The following ARHGEF3 variants were observed in gnomAD, a reference collection of about 807,000 sequenced individuals.
The protein encoded by ARHGEF3 is 59.8 kDA protein.
A neutral mutation model predicts 63.2 loss-of-function variants in ARHGEF3; 28 were observed. That is an observed-to-expected ratio of 0.44 (90% CI 0.33 to 0.61). The LOEUF is 0.61. Ranked by LOEUF, ARHGEF3 falls within the 20% of genes least tolerant of loss-of-function variation. The pLI, the probability that ARHGEF3 is intolerant of heterozygous loss-of-function variation, is 0.03. For missense variants in ARHGEF3, 533 were observed against 659.3 expected, an observed-to-expected ratio of 0.81 and a Z score of 2.10; for synonymous variants, 266 against 254.2, an observed-to-expected ratio of 1.05 and a Z score of -0.44.
intron 4 of ARHGEF3, among the ~76,000 whole-genome samples, chr3:56,852,513 C>G (rs545088778): frequency 1.3e-5 from 2 of 152,262 alleles, no homozygotes; most frequent in Non-Finnish European, 2.9e-5. Flanking sequence ...TGCGTGTACA[C>G]GTGCACACAC....
At chr3:56,879,143 A>C (rs139633009) in intron 4 of ARHGEF3, among the ~76,000 whole-genome samples, 1 of 152,224 alleles carries the variant, frequency 6.6e-6, no homozygotes, top group Non-Finnish European at 1.5e-5. Flanking sequence ...TTCATTATGT[A>C]TTACAATGTA....
At chr3:56,769,137 G>A (rs1257258609) in intron 2 of ARHGEF3, among the ~76,000 whole-genome samples, 1 of 152,214 alleles carries the variant, frequency 6.6e-6, no homozygotes, top group Non-Finnish European at 1.5e-5. Context: ...AGGAAAAAGT[G>A]CAAGTCCAAA....
At chr3:57,063,266 C>T (rs1705333528) in intron 1 of ARHGEF3, among the ~76,000 whole-genome samples, 1 of 148,538 alleles carries the variant, frequency 6.7e-6, no homozygotes, top group South Asian at 2.1e-4. Flanking sequence ...GAAATGCAGC[C>T]AGATCACATG....
chr3:57,050,570 G>C (rs1197035791), intron 1 of ARHGEF3, among the ~76,000 whole-genome samples: 1 of 152,226 alleles, frequency 6.6e-6, no homozygotes, highest in Non-Finnish European at 1.5e-5. Flanking sequence ...CAGGTGGTCT[G>C]AGGTCCAAGT....
chr3:56,733,715 G>A (rs1431699250), intron 8 of ARHGEF3, among the ~76,000 whole-genome samples: 1 of 151,942 alleles, frequency 6.6e-6, no homozygotes, highest in Non-Finnish European at 1.5e-5. Context: ...TGGGCACAGT[G>A]GCTCACGCCT....
intron 3 of ARHGEF3, among the ~76,000 whole-genome samples, chr3:56,944,578 T>TTTC (rs1459721212): frequency 2.8e-5 from 4 of 144,010 alleles, no homozygotes; most frequent in African/African-American, 1.0e-4. Context: ...CTTTTTTTTT[T>TTTC]TTTTTTTTTT....
At position 56,738,232 on chromosome 3, in the gene ARHGEF3, GT is replaced by G. The variant is rs560914667; in HGVS notation, c.871-878del. ...TTTTTTGTATTTTTAGTAGAACAGG[GT>G]TTCACCATGTTGGCCAGGGTGGTCT... On this transcript the variant is annotated intron_variant, in intron 7 of 9. Coordinates refer to ENST00000296315, the MANE Select transcript of ARHGEF3 (RefSeq NM_019555.3). Among the ~76,000 whole-genome samples the G allele has an allele frequency of 4.7e-3, 708 of 152,194 alleles. 1 individual carries two copies. Among genetic ancestry groups the G allele is most frequent in the African/African-American group, 0.016 (663 of 41,516 alleles).
At chr3:56,832,527 G>A (rs936395130) in intron 4 of ARHGEF3, among the ~76,000 whole-genome samples, 2 of 152,162 alleles carry the variant, frequency 1.3e-5, no homozygotes, top group Non-Finnish European at 1.5e-5. Context: ...CACCCCCAGT[G>A]ACAACTATTA....
intron 3 of ARHGEF3, among the ~76,000 whole-genome samples, chr3:56,899,018 T>C (rs937984642): frequency 1.3e-5 from 2 of 152,112 alleles, no homozygotes; most frequent in Admixed American, 6.6e-5. Flanking sequence ...TGCACCACTG[T>C]ACTCCAGCCT....
At chr3:57,005,904 G>A (rs987615200) in intron 2 of ARHGEF3, among the ~76,000 whole-genome samples, 3 of 152,156 alleles carry the variant, frequency 2.0e-5, no homozygotes, top group Non-Finnish European at 2.9e-5. Flanking sequence ...TTTTACGTAT[G>A]CGATCTCCTC....
At chr3:56,770,233 G>T (rs1200908860) in intron 2 of ARHGEF3, among the ~76,000 whole-genome samples, 1 of 151,936 alleles carries the variant, frequency 6.6e-6, no homozygotes, top group African/African-American at 2.4e-5. Flanking sequence ...CCAACATGGC[G>T]AAACCGTCTC....
chr3:56,948,615 T>C lies in ARHGEF3; in HGVS notation c.129+10208A>G, dbSNP rs567049960. On this transcript the variant is annotated intron_variant, in intron 3 of 12. Transcript: ENST00000338458. ...ATCTCTGAATAGACCAATAACAGGC[T>C]CTGAAATTGAGGCAATAATTAATAG... Among the ~76,000 whole-genome samples the C allele has an allele frequency of 5.8e-3, 883 of 152,104 alleles. 10 individuals carry two copies. The highest frequency in any genetic ancestry group is 0.02 in the African/African-American group (829 of 41,488).
At chr3:56,768,684 G>GAAAAAAAAAAAAAAAAAA (rs2035845832) in intron 2 of ARHGEF3, among the ~76,000 whole-genome samples, 6 of 109,610 alleles carry the variant, frequency 5.5e-5, no homozygotes, top group Admixed American at 1.7e-4. Context: ...AAAAAAAAAA[G>GAAAAAAAAAAAAAAAAAA]AAGAAGATGA....
chr3:56,736,306 T>C (rs1406992645), intron 8 of ARHGEF3, among the ~76,000 whole-genome samples: 2 of 152,064 alleles, frequency 1.3e-5, no homozygotes, highest in Admixed American at 6.5e-5. Flanking sequence ...CAAATCACTA[T>C]ATTAAGTGCT....
At chr3:56,738,055 T>C (rs997816666) in intron 7 of ARHGEF3, among the ~76,000 whole-genome samples, 13 of 151,888 alleles carry the variant, frequency 8.6e-5, no homozygotes, top group African/African-American at 2.7e-4. Flanking sequence ...TTTTTGTTTG[T>C]TTGTTTTGAG....
intron 4 of ARHGEF3, among the ~76,000 whole-genome samples, chr3:56,858,447 G>A (rs1474607750): frequency 6.6e-6 from 1 of 152,122 alleles, no homozygotes; most frequent in Non-Finnish European, 1.5e-5. Context: ...ACTCAGCTCT[G>A]AGGATACTGA....
chr3:56,849,581 C>T (rs1175819471), intron 4 of ARHGEF3, among the ~76,000 whole-genome samples: 1 of 152,050 alleles, frequency 6.6e-6, no homozygotes, highest in Non-Finnish European at 1.5e-5. Flanking sequence ...GCTTCCCTCC[C>T]ACAATGCCTG....
chr3:56,802,023 C>T, upstream of ARHGEF3: 1 of 1,417,434 alleles, frequency 7.1e-7, no homozygotes, highest in Non-Finnish European at 9.2e-7. Context: ...GCCGCCGGCT[C>T]GGCACCGCCC....
chr3:56,829,467 T>C (rs1020481513), intron 4 of ARHGEF3, among the ~76,000 whole-genome samples: 2 of 152,154 alleles, frequency 1.3e-5, no homozygotes, highest in African/African-American at 2.4e-5. Context: ...ATAGTTGGAA[T>C]ACTCAGGAAG....
Sources: gnomAD v4.1 joint callset for allele counts (sites outside exome capture counted in the v4.1 genomes callset) on GRCh38, gnomAD v4.1.1 for gene constraint, MANE v1.5 for transcripts, NCBI Gene and HGNC (gene_info 2026-07-23, HGNC 2026-07-21) for gene names.